The following CD109 variants were observed in gnomAD, a reference collection of about 807,000 sequenced individuals.
CD109 encodes the protein CD109 antigen.
Under a neutral mutation model 165.8 loss-of-function variants are expected in CD109, and 149 were observed. That is an observed-to-expected ratio of 0.90 (90% CI 0.79 to 1.03). The LOEUF (loss-of-function observed/expected upper bound fraction) is 1.03. Ranked by LOEUF, CD109 falls within the 50% of genes least tolerant of loss-of-function variation. The probability of loss-of-function intolerance (pLI) is 0.00; values close to 1 mark genes in which losing one functional copy is unlikely to be tolerated. For synonymous variants in CD109, 585 were observed against 592.1 expected, an observed-to-expected ratio of 0.99 and a Z score of 0.18; for missense variants, 1,712 against 1,677.8, an observed-to-expected ratio of 1.02 and a Z score of -0.36.
chr6:73,779,011 C>T (rs1173596334), intron 15 of CD109, among the ~76,000 whole-genome samples: 1 of 152,110 alleles, frequency 6.6e-6, no homozygotes, highest in African/African-American at 2.4e-5. Context: ...ATGACCATCA[C>T]CAATATTTCC....
intron 2 of CD109, among the ~76,000 whole-genome samples, chr6:73,721,872 G>A (rs1284995553): frequency 1.3e-5 from 2 of 152,054 alleles, no homozygotes; most frequent in Admixed American, 1.3e-4. Flanking sequence ...AAGTAGCTGG[G>A]ACTACAGGCG....
At chr6:73,712,055 CA>C (rs1037537403) in intron 2 of CD109, among the ~76,000 whole-genome samples, 14 of 152,022 alleles carry the variant, frequency 9.2e-5, no homozygotes, top group Non-Finnish European at 1.9e-4. Flanking sequence ...GTATTTTATA[CA>C]AAAATTAGCC....
chr6:73,780,588 C>T, intron 16 of CD109, 90 bp downstream of exon 16: 1 of 836,132 alleles, frequency 1.2e-6, no homozygotes, highest in Non-Finnish European at 2.0e-6. Context: ...AGATGTTAAC[C>T]TTTTATTAAA....
intron 23 of CD109, among the ~76,000 whole-genome samples, chr6:73,798,912 G>T (rs755610670): frequency 2.0e-4 from 31 of 152,152 alleles, no homozygotes; most frequent in Non-Finnish European, 3.1e-4. Flanking sequence ...TGTCACAAAA[G>T]TACCTCAAAC....
At chr6:73,723,497 T>TA (rs1252109026) in intron 3 of CD109, among the ~76,000 whole-genome samples, 1 of 152,184 alleles carries the variant, frequency 6.6e-6, no homozygotes, top group African/African-American at 2.4e-5. Flanking sequence ...TTTCCTCTTG[T>TA]AAAATAGAAG....
chr6:73,788,050 C>T (rs1774764082), intron 21 of CD109, among the ~76,000 whole-genome samples: 1 of 152,108 alleles, frequency 6.6e-6, no homozygotes, highest in South Asian at 2.1e-4. Flanking sequence ...TCTAATTTAA[C>T]TAGAACTTAC....
At chr6:73,744,103 G>A (rs1772890721) in intron 5 of CD109, among the ~76,000 whole-genome samples, 1 of 152,116 alleles carries the variant, frequency 6.6e-6, no homozygotes, top group African/African-American at 2.4e-5. Context: ...GTAGCATCAG[G>A]TGCATTCACA....
At chr6:73,697,598 C>T (rs773994606) in intron 2 of CD109, 26 bp downstream of exon 2, 1 of 1,597,856 alleles carries the variant, frequency 6.3e-7, no homozygotes, top group Non-Finnish European at 8.6e-7. Context: ...TAAAGTCTTA[C>T]CCTTCTGCAG....
At position 73,725,504 on chromosome 6, in the gene CD109, C is replaced by CTTTTTTTTTT. The variant is rs386407559; in HGVS notation, c.276+2237_276+2246dup. ...AACTAGAAATTTGTCTACTACACTT[C>CTTTTTTTTTT]TTTTTTTTTTTTTTTTTTTTTGAGA... is the stretch of plus-strand genomic sequence containing the variant. On this transcript the variant is annotated intron_variant, in intron 3 of 32. Coordinates refer to ENST00000287097, the MANE Select transcript of CD109 (RefSeq NM_133493.5). Among the ~76,000 whole-genome samples the CTTTTTTTTTT allele has an allele frequency of 8.1e-4, 72 of 89,422 alleles. 6 individuals are homozygous for CTTTTTTTTTT. Among genetic ancestry groups the CTTTTTTTTTT allele is most frequent in the African/African-American group, 2.4e-3 (49 of 20,774 alleles). 58.7% of individuals were successfully genotyped at this position (89,422 alleles called of 152,430 possible).
chr6:73,788,354 G>A (rs976021399), intron 21 of CD109, 114 bp from the exon 22 acceptor site: 1 of 736,586 alleles, frequency 1.4e-6, no homozygotes, highest in African/African-American at 1.8e-5. Flanking sequence ...TGCCTATTTA[G>A]CCACACACAA....
the CD109 span, among the ~76,000 whole-genome samples, chr6:73,688,401 G>A: frequency 6.6e-6 from 1 of 152,136 alleles, no homozygotes; most frequent in Middle Eastern, 3.2e-3. Flanking sequence ...TACTCTGTTA[G>A]ATAGGGGTGC....
intron 22 of CD109, among the ~76,000 whole-genome samples, chr6:73,789,110 G>C (rs1264756900): frequency 1.3e-5 from 2 of 152,118 alleles, no homozygotes; most frequent in Non-Finnish European, 2.9e-5. Flanking sequence ...AGAATCACTT[G>C]GGCTATGGCT....
chr6:73,727,524 C>T (rs1258900235), intron 3 of CD109, among the ~76,000 whole-genome samples: 1 of 152,138 alleles, frequency 6.6e-6, no homozygotes, highest in Non-Finnish European at 1.5e-5. Context: ...GTAATGTTTC[C>T]CCTGAGTCAG....
intron 15 of CD109, among the ~76,000 whole-genome samples, chr6:73,772,361 CG>C (rs1774067520): frequency 1.3e-5 from 2 of 151,700 alleles, no homozygotes; most frequent in Admixed American, 6.6e-5. Flanking sequence ...AAAAATTAGC[CG>C]GGCGCGGTGG....
chr6:73,712,207 T>C lies in CD109; in HGVS notation c.248-11044T>C, dbSNP rs978122534. 8.4e-4 allele frequency among the ~76,000 whole-genome samples: 7 copies of C among 8,376 alleles called. No homozygotes were observed. In the Non-Finnish European group the frequency reaches 0.01, roughly 12 times the overall value. 5.5% of individuals were successfully genotyped at this position (8,376 alleles called of 152,430 possible). A position where few individuals can be genotyped will look rare whatever the true frequency, so the allele number is the denominator to read the frequency against. On this transcript the variant is annotated intron_variant, in intron 2 of 32. Transcript: ENST00000287097. ...CTGGGCAACGAAGCGAGACTCCGTC[T>C]CAAAAAAAAAAAAATTGTATTTTAA...
the CD109 span, among the ~76,000 whole-genome samples, chr6:73,685,933 T>C: frequency 1.3e-5 from 2 of 152,252 alleles, no homozygotes; most frequent in Admixed American, 1.3e-4. Context: ...TGCTAATTGC[T>C]CTGGCTAGGA....
chr6:73,787,574 G>A, intron 21 of CD109, 122 bp downstream of exon 21: 1 of 655,346 alleles, frequency 1.5e-6, no homozygotes, highest in Non-Finnish European at 2.6e-6. Flanking sequence ...TACCCTTCTG[G>A]TAATGCCTAA....
chr6:73,797,890 A>G (rs1466268079), intron 23 of CD109, among the ~76,000 whole-genome samples: 1 of 152,286 alleles, frequency 6.6e-6, no homozygotes. Flanking sequence ...TCAGAAGTCT[A>G]TGAAAGTTCT....
chr6:73,697,538 C>G lies in CD109; in HGVS notation c.213C>G (p.Val71=). The G allele has an allele frequency of 1.2e-6, 2 of 1,614,088 alleles. No homozygotes were observed. Among genetic ancestry groups the G allele is most frequent in the South Asian group, 1.1e-5 (1 of 91,072 alleles). Residue 71 remains valine, a synonymous_variant, in exon 2 of 33, where the codon GTC becomes GTG. Coordinates refer to ENST00000287097, the MANE Select transcript of CD109 (RefSeq NM_133493.5). The part of the protein sequence containing the change: ...ELLKTASNLT[V]SVLEAEGVFE... ...TCAAGACAGCATCAAACCTCACTGT[C>G]TCTGTCCTGGAAGCAGAAGGAGTCT...
Sources: gnomAD v4.1 joint callset for allele counts (sites outside exome capture counted in the v4.1 genomes callset) on GRCh38, gnomAD v4.1.1 for gene constraint, MANE v1.5 for transcripts, NCBI Gene and HGNC (gene_info 2026-07-23, HGNC 2026-07-21) for gene names.